The following KLF13 variants were observed in gnomAD, a reference collection of about 807,000 sequenced individuals.
KLF13 encodes Krueppel-like factor 13.
A neutral mutation model predicts 16.7 loss-of-function variants in KLF13; 8 were observed. The ratio of observed to expected loss-of-function variants is 0.48; its 90% CI spans 0.28 to 0.87. The LOEUF (loss-of-function observed/expected upper bound fraction) is 0.87, where lower values mean the gene tolerates loss of function less well. Ranked by LOEUF, KLF13 falls within the 40% of genes least tolerant of loss-of-function variation. The pLI is 0.10. For synonymous variants in KLF13, 245 were observed against 208.4 expected, an observed-to-expected ratio of 1.18 and a Z score of -1.51; for missense variants, 447 against 452.2, an observed-to-expected ratio of 0.99 and a Z score of 0.10.
At position 31,327,248 on chromosome 15, in the gene KLF13, C is replaced by G; in HGVS notation, c.36C>G (p.Ala12=). 1 of 1,380,180 alleles carries G rather than the reference C, an allele frequency of 7.2e-7. No individual in the cohort carries two copies. Among genetic ancestry groups the G allele is most frequent in the Non-Finnish European group, 9.4e-7 (1 of 1,064,946 alleles). 85.5% of individuals were successfully genotyped at this position (1,380,180 alleles called of 1,614,324 possible). ...CCGCCTATGTGGACCACTTCGCCGC[C>G]GAGTGCCTCGTGTCCATGTCGAGCC... ...AAAAYVDHFA[A]ECLVSMSSRA... is the part of the protein sequence containing the mutation. The change falls in exon 1 of 2, where the codon GCC becomes GCG. Residue 12 remains alanine (A), a synonymous_variant. Transcript: ENST00000307145.
At chr15:31,358,205 A>G (rs116550108) in intron 1 of KLF13, among the ~76,000 whole-genome samples, 244 of 152,360 alleles carry the variant, frequency 1.6e-3, no homozygotes, top group African/African-American at 5.6e-3. Flanking sequence ...ATATCCTGGA[A>G]GCAACTGAAG....
At chr15:31,434,510 G>A (rs1185866874) in intron 1 of KLF13, among the ~76,000 whole-genome samples, 2 of 152,178 alleles carry the variant, frequency 1.3e-5, no homozygotes, top group African/African-American at 2.4e-5. Flanking sequence ...GAAAGCAGGA[G>A]AGGCTGTGGA....
intron 1 of KLF13, chr15:31,366,039 C>T (rs1012139098): frequency 2.0e-5 from 3 of 152,250 alleles, no homozygotes; most frequent in Non-Finnish European, 4.4e-5. Context: ...GCTGTGGCGC[C>T]AGGGAACATT....
chr15:31,435,112 T>C (rs1273424659), intron 1 of KLF13, among the ~76,000 whole-genome samples: 1 of 152,072 alleles, frequency 6.6e-6, no homozygotes, highest in African/African-American at 2.4e-5. Context: ...GGGTGCAACG[T>C]GTGTGTTTTT....
chr15:31,365,805 G>A (rs963816157), intron 1 of KLF13, among the ~76,000 whole-genome samples: 192 of 152,268 alleles, frequency 1.3e-3, no homozygotes, highest in Non-Finnish European at 1.9e-4. Context: ...GCATGTGGCT[G>A]CTGTGGGGGA....
At chr15:31,333,064 G>T (rs947885977) in intron 1 of KLF13, among the ~76,000 whole-genome samples, 1 of 152,204 alleles carries the variant, frequency 6.6e-6, no homozygotes, top group Non-Finnish European at 1.5e-5. Context: ...AAAACTTCTA[G>T]AATAGTACAC....
At position 31,349,565 on chromosome 15, in the gene KLF13, G is replaced by C. The variant is rs548765923; in HGVS notation, c.577+21776G>C. ...GTGCCAGCCTGTGGTTAGTCAGCTT[G>C]CCTCTGATACTTCACTGCCCTGGCT... On this transcript the variant is annotated intron_variant, in intron 1 of 1. Coordinates refer to ENST00000307145, the MANE Select transcript of KLF13 (RefSeq NM_015995.4). 4.6e-5 allele frequency among the ~76,000 whole-genome samples: 7 copies of C among 152,358 alleles called. 1 individual carries two copies. The highest frequency in any genetic ancestry group is 1.7e-4 in the African/African-American group (7 of 41,582).
intron 1 of KLF13, among the ~76,000 whole-genome samples, chr15:31,356,225 G>T (rs2039298676): frequency 6.6e-6 from 1 of 152,086 alleles, no homozygotes; most frequent in Non-Finnish European, 1.5e-5. Context: ...TCCCTCTTTT[G>T]TGTCCCTGTG....
intron 1 of KLF13, among the ~76,000 whole-genome samples, chr15:31,343,961 C>T (rs1415887890): frequency 3.9e-5 from 6 of 152,208 alleles, no homozygotes; most frequent in East Asian, 1.9e-4. Flanking sequence ...CCCTCTGAGA[C>T]GGCAGCAGAG....
chr15:31,399,243 G>A (rs575533460), intron 2 of KLF13, among the ~76,000 whole-genome samples: 6 of 152,304 alleles, frequency 3.9e-5, no homozygotes, highest in East Asian at 1.9e-4. Context: ...GTGCAATGGC[G>A]CAATCTTGGC....
At chr15:31,428,121 C>T (rs931678960) in intron 1 of KLF13, among the ~76,000 whole-genome samples, 1 of 152,160 alleles carries the variant, frequency 6.6e-6, no homozygotes, top group Admixed American at 6.5e-5. Context: ...CACAAAAAGG[C>T]AAGTCTTGCA....
exon 3 of KLF13, chr15:31,403,441 T>G (rs1243378708): frequency 3.3e-5 from 5 of 152,244 alleles, no homozygotes; most frequent in African/African-American, 1.2e-4. Flanking sequence ...AGCGTGTGGC[T>G]ACCTGGACCA....
intron 1 of KLF13, among the ~76,000 whole-genome samples, chr15:31,414,194 A>AG: frequency 6.6e-6 from 1 of 152,298 alleles, no homozygotes; most frequent in East Asian, 1.9e-4. Flanking sequence ...GGTAGGCCCT[A>AG]GAGCAACCAC....
intron 1 of KLF13, among the ~76,000 whole-genome samples, chr15:31,356,557 A>T (rs2039303248): frequency 6.6e-6 from 1 of 152,228 alleles, no homozygotes; most frequent in Non-Finnish European, 1.5e-5. Flanking sequence ...GTCTCAAAAA[A>T]TAAGTGAGAA....
At position 31,374,248 on chromosome 15, in the gene KLF13, T is replaced by G. The variant is rs564167207; in HGVS notation, c.*1949T>G. The stretch of plus-strand genomic sequence containing the variant: ...CAGCTGGGATTGGCCGACAGCGTGG[T>G]GGTGACTTCTAGGTAGACCGATGGA... On this transcript the variant is annotated 3_prime_UTR_variant, in exon 2 of 2. Coordinates refer to ENST00000307145, the MANE Select transcript of KLF13 (RefSeq NM_015995.4). 1 of 152,692 alleles carries G rather than the reference T, an allele frequency of 6.5e-6. No homozygotes were observed. The highest frequency in any genetic ancestry group is 2.4e-5 in the African/African-American group (1 of 41,570). 9.5% of individuals were successfully genotyped at this position (152,692 alleles called of 1,614,324 possible).
intron 1 of KLF13, among the ~76,000 whole-genome samples, chr15:31,329,018 G>T (rs992482306): frequency 1.3e-5 from 2 of 152,058 alleles, no homozygotes; most frequent in African/African-American, 2.4e-5. Flanking sequence ...AGAGCTGAAG[G>T]CCCCTTTTTT....
intron 1 of KLF13, among the ~76,000 whole-genome samples, chr15:31,383,860 C>A (rs1022465909): frequency 2.0e-5 from 3 of 151,996 alleles, no homozygotes; most frequent in African/African-American, 7.2e-5. Context: ...CAAGATCACG[C>A]CACTGCACTC....
intron 2 of KLF13, among the ~76,000 whole-genome samples, chr15:31,400,833 TCTGG>T (rs996692441): frequency 1.3e-5 from 2 of 151,704 alleles, no homozygotes; most frequent in African/African-American, 4.8e-5. Flanking sequence ...CCTGTGAGGG[TCTGG>T]CTGGCTGGAT....
At chr15:31,419,226 A>G (rs1001729400) in intron 1 of KLF13, among the ~76,000 whole-genome samples, 1 of 152,208 alleles carries the variant, frequency 6.6e-6, no homozygotes, top group African/African-American at 2.4e-5. Context: ...GTTTTTCAAA[A>G]GCACAAATCC....
Sources: allele counts gnomAD v4.1 joint callset (sites outside exome capture counted in the v4.1 genomes callset), GRCh38; gene constraint gnomAD v4.1.1; transcripts MANE v1.5; gene names NCBI Gene and HGNC (gene_info 2026-07-23, HGNC 2026-07-21).